Variants in NKIRAS1 observed in about 807,000 individuals in gnomAD.
The protein encoded by NKIRAS1 is NFKB inhibitor interacting Ras like 1, also known as NF-kappa-B inhibitor-interacting Ras-like protein 1.
NKIRAS1 carries 16 observed loss-of-function variants against 19.8 expected under a neutral mutation model. The ratio of observed to expected loss-of-function variants is 0.81; its 90% CI spans 0.55 to 1.23. The LOEUF is 1.23. NKIRAS1 is among the 50% of genes most tolerant of loss of function. The probability of loss-of-function intolerance (pLI) is 0.00; values close to 1 mark genes in which losing one functional copy is unlikely to be tolerated. For missense variants in NKIRAS1, 184 were observed against 220.0 expected (o/e 0.84, Z 1.04); for synonymous variants, 88 against 79.0 (o/e 1.11, Z -0.61).
chr3:23,918,966 GA>G, upstream of NKIRAS1: 1 of 569,642 alleles, frequency 1.8e-6, no homozygotes, highest in Non-Finnish European at 3.1e-6. Flanking sequence ...CCCTAGTCAG[GA>G]ATGGAGTATT....
At chr3:23,918,269 T>G, upstream of NKIRAS1, 1 of 913,576 alleles carries the variant, frequency 1.1e-6, no homozygotes, top group Non-Finnish European at 1.6e-6. Context: ...CCTCCCTGTG[T>G]GAGTAGCCTA....
chr3:23,907,647 C>A (rs895250387), intron 3 of NKIRAS1, among the ~76,000 whole-genome samples: 1 of 152,172 alleles, frequency 6.6e-6, no homozygotes, highest in Non-Finnish European at 1.5e-5. Flanking sequence ...TGGCACTAAA[C>A]GTATAGTTGC....
chr3:23,901,181 T>C (rs1313112226), intron 3 of NKIRAS1, 132 bp from the exon 4 acceptor site: 180 of 481,422 alleles, frequency 3.7e-4, no homozygotes, highest in Admixed American at 1.4e-3. Context: ...CTATTTTACT[T>C]TTTTTTTTTT....
At position 23,940,924 on chromosome 3, in the gene NKIRAS1, C is replaced by G. The variant is rs534076849; in HGVS notation, c.-140+5399G>C. 6.1e-4 allele frequency among the ~76,000 whole-genome samples: 93 copies of G among 152,310 alleles called. 2 individuals carry two copies. Among genetic ancestry groups the G allele is most frequent in the African/African-American group, 1.7e-3 (70 of 41,578 alleles). ...GCTATTTGTTGCTATGTGATGATGT[C>G]GCTGCTCTGAGACAAACATGCTTGG... On this transcript the variant is annotated intron_variant, in intron 1 of 4. Transcript: ENST00000421515.
intron 1 of NKIRAS1, among the ~76,000 whole-genome samples, chr3:23,911,856 A>G (rs1465118654): frequency 6.7e-6 from 1 of 149,912 alleles, no homozygotes; most frequent in African/African-American, 2.5e-5. Flanking sequence ...TCCGCTTCCC[A>G]AGGGCAAGCG....
At chr3:23,923,967 T>G (rs2125262309) in intron 1 of NKIRAS1, 1 of 152,332 alleles carries the variant, frequency 6.6e-6, no homozygotes, top group East Asian at 1.9e-4. Flanking sequence ...AAAACACAAC[T>G]AAACTACATT....
chr3:23,927,467 G>A lies in NKIRAS1; in HGVS notation c.-139-16017C>T, dbSNP rs1223978933. On this transcript the variant is annotated intron_variant, in intron 1 of 4. Transcript: ENST00000421515. The surrounding 1 kb of genome is among the most constrained non-coding windows in gnomAD (Gnocchi z 4.0). ...TCAAACTTAACGAAATGCTGTAGCT[G>A]GAATGCACACTTCAGCTCACTCTGA... Among the ~76,000 whole-genome samples the A allele has an allele frequency of 6.6e-6, 1 of 152,172 alleles. No individual in the cohort carries two copies. The highest frequency in any genetic ancestry group is 1.5e-5 in the Non-Finnish European group (1 of 68,034).
At position 23,900,810 on chromosome 3, in the gene NKIRAS1, C is replaced by CT; in HGVS notation, c.333dup (p.Glu112ArgfsTer15). 1 of 1,612,368 alleles carries CT rather than the reference C, an allele frequency of 6.2e-7. No homozygotes were observed. The highest frequency in any genetic ancestry group is 8.5e-7 in the Non-Finnish European group (1 of 1,178,972). The stretch of plus-strand genomic sequence containing the variant: ...GCATTTTTAACATATCCACTTGCCT[C>CT]TTTTTTGTCTTTGAACTTATCGATT... On this transcript the variant is annotated frameshift_variant, in exon 4 of 5. Transcript: ENST00000425478. LOFTEE classifies it high-confidence loss of function.
upstream of NKIRAS1, chr3:23,920,557 G>T (rs1705022080): frequency 3.0e-6 from 3 of 985,188 alleles, no homozygotes; most frequent in South Asian, 9.4e-5. Flanking sequence ...GACTACTGTT[G>T]TCCAGGGTCA....
intron 4 of NKIRAS1, among the ~76,000 whole-genome samples, chr3:23,897,627 ACCTCAGAT>A (rs1702112069): frequency 6.6e-6 from 1 of 151,994 alleles, no homozygotes; most frequent in South Asian, 2.1e-4. Context: ...GCAAATTCCG[ACCTCAGAT>A]CCTCGGTACT....
rs368370745 is a variant in NKIRAS1, at chr3:23,926,175, C to G, written c.-139-14725G>C. ...AAGCAATTCTCCCTGCCTCAGCCTCCCAAGTAGCTGGGATTACAGGCACCC... is the reference window on the plus strand; with the variant it reads ...AAGCAATTCTCCCTGCCTCAGCCTCGCAAGTAGCTGGGATTACAGGCACCC... On this transcript the variant is annotated intron_variant, in intron 1 of 4. Coordinates refer to the NKIRAS1 transcript ENST00000421515. The surrounding 1 kb of genome is among the most constrained non-coding windows in gnomAD (Gnocchi z 4.3). Among the ~76,000 whole-genome samples, 34 of 152,300 alleles carry G rather than the reference C, an allele frequency of 2.2e-4. No homozygotes were observed. The South Asian group carries it at 3.9e-3, about 18-fold the overall frequency.
At chr3:23,917,472 T>C, upstream of NKIRAS1, 1 of 160,428 alleles carries the variant, frequency 6.2e-6, no homozygotes, top group Non-Finnish European at 1.4e-5. Flanking sequence ...GTGGGGTAGA[T>C]GCATTTTCCT....
intron 3 of NKIRAS1, among the ~76,000 whole-genome samples, chr3:23,909,024 T>C (rs1164964084): frequency 6.6e-6 from 1 of 152,174 alleles, no homozygotes; most frequent in Admixed American, 6.5e-5. Context: ...ACAGTAAATG[T>C]TGGAAGATAC....
intron 4 of NKIRAS1, among the ~76,000 whole-genome samples, chr3:23,900,193 A>G (rs1280866756): frequency 1.3e-5 from 2 of 152,256 alleles, no homozygotes; most frequent in Non-Finnish European, 2.9e-5. Flanking sequence ...CCAAGGAAAC[A>G]GCAATACCAA....
At chr3:23,946,049 G>A (rs969798533) in intron 1 of NKIRAS1, 14 of 964,546 alleles carry the variant, frequency 1.5e-5, no homozygotes, top group Non-Finnish European at 1.7e-5. Flanking sequence ...GCGCGCGCTG[G>A]CTGGGAGCGC....
At chr3:23,914,904 C>G in intron 1 of NKIRAS1, among the ~76,000 whole-genome samples, 1 of 152,202 alleles carries the variant, frequency 6.6e-6, no homozygotes, top group South Asian at 2.1e-4. Flanking sequence ...AGGCAGCGTA[C>G]CTACAGTAGC....
chr3:23,921,525 A>G (rs1705079125), upstream of NKIRAS1: 2 of 660,240 alleles, frequency 3.0e-6, no homozygotes, highest in Non-Finnish European at 5.4e-6. Flanking sequence ...TTGCTTTACT[A>G]TTTCTATATT....
chr3:23,896,134 C>CAAAA, intron 4 of NKIRAS1, among the ~76,000 whole-genome samples: 1 of 49,184 alleles, frequency 2.0e-5, no homozygotes, highest in Non-Finnish European at 3.5e-5. Flanking sequence ...GACTCCATCT[C>CAAAA]AAAAAAAAAA....
chr3:23,917,940 C>T (rs762863163), upstream of NKIRAS1: 4 of 1,613,806 alleles, frequency 2.5e-6, no homozygotes, highest in South Asian at 3.3e-5. Flanking sequence ...GGGTCCGCTG[C>T]TGGCAGTACC....
Sources: gnomAD v4.1 joint callset for allele counts (sites outside exome capture counted in the v4.1 genomes callset) on GRCh38, gnomAD v4.1.1 for gene constraint, Gnocchi (gnomAD v3.1) non-coding constraint, MANE v1.5 for transcripts, NCBI Gene and HGNC (gene_info 2026-07-23, HGNC 2026-07-21) for gene names.